RARG: variants seen among roughly 807,000 people sequenced by gnomAD.
The protein encoded by RARG is RAR-gamma.
In RARG, 17 loss-of-function variants were observed where a neutral mutation model predicts 43.7. That is an observed-to-expected ratio of 0.39 (90% CI 0.27 to 0.58). RARG has a LOEUF of 0.58. RARG is among the 20% of genes least tolerant of loss of function. The pLI, the probability that RARG is intolerant of heterozygous loss-of-function variation, is 0.57. For missense variants in RARG, 346 were observed against 598.7 expected, an observed-to-expected ratio of 0.58 and a Z score of 4.40; for synonymous variants, 238 against 236.4, an observed-to-expected ratio of 1.01 and a Z score of -0.06.
At chr12:53,225,337 C>T (rs1351447751) in intron 3 of RARG, among the ~76,000 whole-genome samples, 2 of 152,232 alleles carry the variant, frequency 1.3e-5, no homozygotes, top group Admixed American at 1.3e-4. Flanking sequence ...TCACTCCTCA[C>T]ACTGACTCTT....
chr12:53,218,575 T>A (rs977883121), intron 3 of RARG, among the ~76,000 whole-genome samples: 4 of 152,166 alleles, frequency 2.6e-5, no homozygotes, highest in Admixed American at 1.3e-4. Flanking sequence ...GACACACTTT[T>A]AAATTCTTCC....
chr12:53,215,673 A>G lies in RARG; in HGVS notation c.306T>C (p.Tyr102=), dbSNP rs150240889. 232 of 1,613,740 alleles carry G rather than the reference A, an allele frequency of 1.4e-4. 1 individual carries two copies. The highest frequency in any genetic ancestry group is 3.4e-4 in the South Asian group (31 of 91,006). The change falls in exon 4 of 10, where the codon TAT becomes TAC. Residue 102 remains tyrosine, a synonymous_variant. Coordinates refer to ENST00000425354, the MANE Select transcript of RARG (RefSeq NM_000966.6). This position sits in a 1 kb window ranked among gnomAD's most constrained non-coding sequence, Gnocchi z 6.4. ...VCNDKSSGYH[Y]GVSSCEGCKG... ...TGCAGCCTTCACAAGAGCTGACCCC[A>G]TAGTGGTAGCCAGAGGACTTGTCAT... is the stretch of plus-strand genomic sequence containing the variant.
In RARG at chr12:53,218,850, C is replaced by A. The variant is rs1439947582; in HGVS notation, c.185-3056G>T. Among the ~76,000 whole-genome samples the A allele has an allele frequency of 2.0e-5, 3 of 151,344 alleles. 1 individual carries two copies. On this transcript the variant is annotated intron_variant, in intron 3 of 9. Transcript: ENST00000425354. ...CCAGCGTGCCCCCAAGCCCCTCATCCCCGGGCCGTCCGCACCCAGGCAGCG... is the reference window on the plus strand; with the variant it reads ...CCAGCGTGCCCCCAAGCCCCTCATCACCGGGCCGTCCGCACCCAGGCAGCG...
At chr12:53,225,099 A>G (rs1291806803) in intron 3 of RARG, among the ~76,000 whole-genome samples, 1 of 152,174 alleles carries the variant, frequency 6.6e-6, no homozygotes, top group African/African-American at 2.4e-5. Flanking sequence ...CCAGAAGTAC[A>G]TTCATGTGGG....
chr12:53,231,834 C>A (rs1943242011), intron 1 of RARG, 140 bp downstream of exon 1: 1 of 381,116 alleles, frequency 2.6e-6, no homozygotes, highest in African/African-American at 2.1e-5. Context: ...GGCAAGAAGC[C>A]CCCCTCAAGC....
intron 2 of RARG, among the ~76,000 whole-genome samples, chr12:53,228,948 A>G (rs1592451461): frequency 6.6e-6 from 1 of 152,068 alleles, no homozygotes; most frequent in African/African-American, 2.4e-5. Context: ...TCCTCCCCCA[A>G]AAGTAGGCTT....
In RARG at chr12:53,215,186, A is replaced by T; in HGVS notation, c.475+107T>A. 7.1e-7 allele frequency: 1 copy of T among 1,417,904 alleles called. No individual in the cohort carries two copies. The highest frequency in any genetic ancestry group is 2.2e-4 in the Middle Eastern group (1 of 4,492). The allele number at this position is 1,417,904 out of a possible 1,614,324, so 87.8% of individuals were successfully genotyped here. ...CTGGGAGAAGGCAGCACCCCAGGGC[A>T]GGCCAAGTCTCAGAGGTCAGGGAAG... On this transcript the variant is annotated intron_variant, in intron 5 of 9. Coordinates refer to ENST00000425354, the MANE Select transcript of RARG (RefSeq NM_000966.6). This position sits in a 1 kb window ranked among gnomAD's most constrained non-coding sequence, Gnocchi z 6.4.
At chr12:53,230,324 G>A (rs1943199789) in intron 2 of RARG, among the ~76,000 whole-genome samples, 1 of 152,000 alleles carries the variant, frequency 6.6e-6, no homozygotes, top group African/African-American at 2.4e-5. Flanking sequence ...GGATGAAGGG[G>A]GCTGCCGGAT....
intron 3 of RARG, among the ~76,000 whole-genome samples, chr12:53,225,877 C>T (rs1943095038): frequency 2.0e-5 from 3 of 152,240 alleles, no homozygotes; most frequent in African/African-American, 7.2e-5. Flanking sequence ...ATCTGCACAG[C>T]ATGCAGGCTC....
Position 53,222,248 on chromosome 12 carries a change from G to GAAA in RARG, c.184+5113_184+5114insTTT, listed in dbSNP as rs1173964398. On this transcript the variant is annotated intron_variant, in intron 3 of 9. Transcript: ENST00000425354. The stretch of plus-strand genomic sequence containing the variant: ...AAGAAAGAGAGAGAAAGAAAAGAAA[G>GAAA]AGAAAGAAAGAAGAAAGAAAAAGGA... Among the ~76,000 whole-genome samples, 5 of 98,614 alleles carry GAAA rather than the reference G, an allele frequency of 5.1e-5. No individual in the cohort carries two copies. The South Asian group carries it at 1.4e-3, about 27-fold the overall frequency. The allele number at this position is 98,614 out of a possible 152,430, so 64.7% of individuals were successfully genotyped here.
chr12:53,224,983 C>T (rs977580856), intron 3 of RARG, among the ~76,000 whole-genome samples: 8 of 152,148 alleles, frequency 5.3e-5, no homozygotes, highest in African/African-American at 1.9e-4. Flanking sequence ...AGCATTATCC[C>T]CACTACCATT....
intron 3 of RARG, among the ~76,000 whole-genome samples, chr12:53,219,129 C>T (rs1254991611): frequency 6.6e-6 from 1 of 152,152 alleles, no homozygotes; most frequent in Non-Finnish European, 1.5e-5. Context: ...TGGTGCTCGC[C>T]CTGCCGCTGT....
intron 3 of RARG, chr12:53,219,975 G>A: frequency 1.3e-6 from 2 of 1,518,526 alleles, no homozygotes. Flanking sequence ...GTTGCGGCCA[G>A]GCAAAAGATT....
At position 53,213,828 on chromosome 12, in the gene RARG, G is replaced by C. The variant is rs1942679265; in HGVS notation, c.814-128C>G. ...TGAAGCAGGCATGGAGAAGGCAGAG[G>C]TGGAGGATCTGAGGCTTGGCAGGGG... On this transcript the variant is annotated intron_variant, in intron 7 of 9. Transcript: ENST00000425354. This position sits in a 1 kb window ranked among gnomAD's most constrained non-coding sequence, Gnocchi z 4.7. 8.6e-7 allele frequency: 1 copy of C among 1,164,788 alleles called. No homozygotes were observed. The highest frequency in any genetic ancestry group is 2.4e-5 in the East Asian group (1 of 41,656). 72.2% of individuals were successfully genotyped at this position (1,164,788 alleles called of 1,614,324 possible).
At chr12:53,216,042 C>T (rs1235755747) in intron 3 of RARG, among the ~76,000 whole-genome samples, 1 of 152,188 alleles carries the variant, frequency 6.6e-6, no homozygotes, top group East Asian at 1.9e-4. Context: ...CACAAGAATG[C>T]CAGCCCTCAT....
intron 3 of RARG, among the ~76,000 whole-genome samples, chr12:53,222,713 G>A (rs534789257): frequency 8.6e-5 from 13 of 151,666 alleles, no homozygotes; most frequent in East Asian, 1.9e-4. Flanking sequence ...TGTCAGGCCC[G>A]CCCTCCCCAT....
chr12:53,228,100 A>T (rs903975458), intron 2 of RARG, among the ~76,000 whole-genome samples: 3 of 152,214 alleles, frequency 2.0e-5, no homozygotes, highest in African/African-American at 7.2e-5. Flanking sequence ...CATGGCTGCA[A>T]GTGGGGGAGC....
At chr12:53,220,205 G>T in intron 3 of RARG, 1 of 1,478,134 alleles carries the variant, frequency 6.8e-7, no homozygotes, top group East Asian at 2.8e-5. Context: ...GGGGGAGGGG[G>T]AGGGCTAGCA....
Position 53,211,681 on chromosome 12 carries a change from C to T in RARG, c.1360G>A (p.Ala454Thr). Reference sequence around the variant, plus strand: ...GGGGAGGTCAGGGGCCCTGGTCAGGCTGGGGACTTCAGGCCCCCTTTGCCC... The same window carrying T: ...GGGGAGGTCAGGGGCCCTGGTCAGGTTGGGGACTTCAGGCCCCCTTTGCCC... ...GQGKGGLKSPA is the reference protein window; with the variant it reads ...GQGKGGLKSPT Residue 454 changes from alanine (A) to threonine (T), a missense_variant, in exon 10 of 10, where the codon GCC (alanine) becomes ACC (threonine). Ala to Thr is a moderately conservative substitution (Grantham distance 58). Transcript: ENST00000425354. The surrounding 1 kb of genome is among the most constrained non-coding windows in gnomAD (Gnocchi z 4.6). 2.0e-6 allele frequency: 3 copies of T among 1,517,166 alleles called. No homozygotes were observed. In the Admixed American group the frequency reaches 6.7e-5, roughly 34 times the overall value. 94.0% of individuals were successfully genotyped at this position (1,517,166 alleles called of 1,614,324 possible). A position where few individuals can be genotyped will look rare whatever the true frequency, so the allele number is the denominator to read the frequency against.
Sources: allele counts gnomAD v4.1 joint callset (sites outside exome capture counted in the v4.1 genomes callset), GRCh38; gene constraint gnomAD v4.1.1; non-coding constraint Gnocchi (gnomAD v3.1); transcripts MANE v1.5; gene names NCBI Gene and HGNC (gene_info 2026-07-23, HGNC 2026-07-21).